The following SYNM variants were observed in gnomAD, a reference collection of about 807,000 sequenced individuals.
SYNM encodes desmuslin.
A neutral mutation model predicts 104.0 loss-of-function variants in SYNM; 95 were observed. The ratio of observed to expected loss-of-function variants is 0.91; its 90% CI spans 0.77 to 1.08. The LOEUF (loss-of-function observed/expected upper bound fraction) is 1.08, where lower values mean the gene tolerates loss of function less well. SYNM is among the 50% of genes least tolerant of loss of function. The pLI is 0.00. For missense variants in SYNM, 2,150 were observed against 2,052.2 expected (o/e 1.05, Z -0.92); for synonymous variants, 918 against 869.0 (o/e 1.06, Z -0.99).
At chr15:99,137,780 C>G (rs2067708848), downstream of SYNM, 2 of 608,980 alleles carry the variant, frequency 3.3e-6, no homozygotes, top group South Asian at 2.6e-5. Context: ...AGAAAAACCA[C>G]TTAGGTGATA....
At chr15:99,125,534 A>G (rs1010207823) in intron 2 of SYNM, among the ~76,000 whole-genome samples, 22 of 152,252 alleles carry the variant, frequency 1.4e-4, no homozygotes, top group African/African-American at 5.3e-4. Flanking sequence ...AGAGTGCCTC[A>G]TGCCTCCTTT....
chr15:99,127,858 A>T (rs2067461573), intron 3 of SYNM, among the ~76,000 whole-genome samples: 1 of 152,166 alleles, frequency 6.6e-6, no homozygotes, highest in South Asian at 2.1e-4. Flanking sequence ...TAACCTAGAG[A>T]GAGGGGAGAA....
At chr15:99,126,184 CT>C (rs1256342969) in intron 2 of SYNM, among the ~76,000 whole-genome samples, 2 of 152,188 alleles carry the variant, frequency 1.3e-5, no homozygotes, top group African/African-American at 4.8e-5. Flanking sequence ...AGGTGACCCC[CT>C]GGAATGCAGT....
rs562511075 is a variant in SYNM, at chr15:99,125,743, C to T, written c.936-979C>T. Among the ~76,000 whole-genome samples, 7 of 152,296 alleles carry T rather than the reference C, an allele frequency of 4.6e-5. No individual in the cohort carries two copies. The East Asian group carries it at 7.7e-4, about 17-fold the overall frequency. On this transcript the variant is annotated intron_variant, in intron 2 of 3. Coordinates refer to ENST00000336292, the MANE Select transcript of SYNM (RefSeq NM_145728.3). ...GGCTCTTGTTCTGGATGCCTTTTGC[C>T]GTGTGCAGTGTATTTCTTGGAACCG...
intron 3 of SYNM, 32 bp from the exon 4 acceptor site, chr15:99,129,335 A>G (rs1555485352): frequency 1.9e-6 from 3 of 1,601,024 alleles, no homozygotes; most frequent in African/African-American, 2.7e-5. Context: ...GATGACTGTC[A>G]TTTTAATGAA....
At chr15:99,106,120 AC>A (rs1445026505) in intron 1 of SYNM, 111 bp downstream of exon 1, 4 of 1,193,852 alleles carry the variant, frequency 3.4e-6, no homozygotes, top group Non-Finnish European at 4.4e-6. Flanking sequence ...GGCGTCGCGG[AC>A]CGGTAGGGCC....
chr15:99,109,655 A>G (rs1180334175), intron 1 of SYNM, among the ~76,000 whole-genome samples: 1 of 152,206 alleles, frequency 6.6e-6, no homozygotes, highest in Non-Finnish European at 1.5e-5. Context: ...CAGGGTGTGT[A>G]CAACTGGTTC....
chr15:99,139,659 T>A, downstream of SYNM: 2 of 1,439,728 alleles, frequency 1.4e-6, no homozygotes, highest in Non-Finnish European at 1.8e-6. Context: ...TTAAAAGTAG[T>A]ATTTTTAAAA....
At chr15:99,136,755 G>GACC (rs3051330), downstream of SYNM, 99,406 of 151,642 alleles carry the variant, frequency 0.66, 32,941 homozygotes, top group African/African-American at 0.72. Flanking sequence ...GGTGAGTAGT[G>GACC]ACATCTTACA....
At chr15:99,128,926 G>C (rs2067471857) in intron 3 of SYNM, 1 of 167,174 alleles carries the variant, frequency 6.0e-6, no homozygotes, top group Non-Finnish European at 1.3e-5. Flanking sequence ...ATGCTATTTG[G>C]TGTTTAATAA....
intron 1 of SYNM, among the ~76,000 whole-genome samples, chr15:99,110,863 C>T (rs1488110978): frequency 6.6e-6 from 1 of 152,180 alleles, no homozygotes; most frequent in Non-Finnish European, 1.5e-5. Context: ...GTCTGGGGCT[C>T]CAGTGCCTCT....
intron 1 of SYNM, among the ~76,000 whole-genome samples, chr15:99,110,698 G>A (rs1355230806): frequency 6.6e-6 from 1 of 152,226 alleles, no homozygotes; most frequent in Non-Finnish European, 1.5e-5. Context: ...TTTTGATACT[G>A]ACAGCAGCAT....
Position 99,105,505 on chromosome 15 carries a change from G to A in SYNM, c.306G>A (p.Glu102=), listed in dbSNP as rs2067224409. 1.6e-5 allele frequency: 21 copies of A among 1,286,908 alleles called. No homozygotes were observed. Among genetic ancestry groups the A allele is most frequent in the Non-Finnish European group, 2.1e-5 (21 of 1,021,228 alleles). The allele number at this position is 1,286,908 out of a possible 1,614,324, so 79.7% of individuals were successfully genotyped here. ...AGCTGCAGCGCCTGGATGCGGAGGAGCGCGCCGCCCGCGGCCGCCTGGACG... is the reference window on the plus strand; with the variant it reads ...AGCTGCAGCGCCTGGATGCGGAGGAACGCGCCGCCCGCGGCCGCCTGGACG... ...LRELQRLDAE[E]RAARGRLDAE... is the part of the protein sequence containing the mutation. Residue 102 remains glutamate, a synonymous_variant, in exon 1 of 4, where the codon GAG becomes GAA. Transcript: ENST00000336292.
At chr15:99,107,548 C>T (rs138432313) in intron 1 of SYNM, among the ~76,000 whole-genome samples, 148 of 152,326 alleles carry the variant, frequency 9.7e-4, no homozygotes, top group Non-Finnish European at 1.7e-3. Context: ...AAATCGTCAC[C>T]ATGCGTTCAC....
At chr15:99,140,996 T>C in the SYNM span, 1 of 152,196 alleles carries the variant, frequency 6.6e-6, no homozygotes, top group Non-Finnish European at 1.5e-5. Context: ...TAAACATGCT[T>C]AATCTCATTA....
At chr15:99,110,336 T>G in intron 1 of SYNM, among the ~76,000 whole-genome samples, 1 of 152,190 alleles carries the variant, frequency 6.6e-6, no homozygotes, top group Non-Finnish European at 1.5e-5. Flanking sequence ...CCGGTACCTC[T>G]TATACGCTTT....
intron 2 of SYNM, among the ~76,000 whole-genome samples, chr15:99,123,938 C>A (rs2067424782): frequency 6.6e-6 from 1 of 152,268 alleles, no homozygotes; most frequent in African/African-American, 2.4e-5. Flanking sequence ...CCCATTAGGG[C>A]CTGGCGCCTG....
In SYNM at chr15:99,132,540, A is replaced by T. The variant is rs2067521934; in HGVS notation, c.4180A>T (p.Thr1394Ser). The change falls in exon 4 of 4, where the codon ACA becomes TCA. Residue 1394 changes from threonine to serine, a missense_variant. Coordinates refer to ENST00000336292, the MANE Select transcript of SYNM (RefSeq NM_145728.3). ...AGAGGACACATCAGGGGCAGAAATG[A>T]CATCGGGTGTTAGCAGATCCTTTAG... Reference protein sequence around the residue: ...SAEDTSGAEMTSGVSRSFRHI... With the variant: ...SAEDTSGAEMSSGVSRSFRHI... 3.1e-6 allele frequency: 5 copies of T among 1,614,036 alleles called. No individual in the cohort carries two copies. The highest frequency in any genetic ancestry group is 4.2e-6 in the Non-Finnish European group (5 of 1,179,902).
At chr15:99,138,672 A>G (rs62023641), downstream of SYNM, among the ~76,000 whole-genome samples, 11,701 of 152,250 alleles carry the variant, frequency 0.077, 468 homozygotes, top group South Asian at 0.088. Flanking sequence ...CTCAACCCTT[A>G]GCTGGCTTGG....
Sources: allele counts gnomAD v4.1 joint callset (sites outside exome capture counted in the v4.1 genomes callset), GRCh38; gene constraint gnomAD v4.1.1; transcripts MANE v1.5; gene names NCBI Gene and HGNC (gene_info 2026-07-23, HGNC 2026-07-21).